The following ENOX2 variants were observed in gnomAD, a reference collection of about 807,000 sequenced individuals.
ENOX2 encodes ecto-NOX disulfide-thiol exchanger 2.
A neutral mutation model predicts 45.0 loss-of-function variants in ENOX2; 36 were observed. That is an observed-to-expected ratio of 0.80 (90% CI 0.61 to 1.06). The LOEUF (loss-of-function observed/expected upper bound fraction) is 1.06. Ranked by LOEUF, ENOX2 falls within the 50% of genes least tolerant of loss-of-function variation. The pLI, the probability that ENOX2 is intolerant of heterozygous loss-of-function variation, is 0.00. For synonymous variants in ENOX2, 174 were observed against 152.3 expected (o/e 1.14, Z -1.05); for missense variants, 423 against 462.5 (o/e 0.91, Z 0.78).
chrX:130,896,364 A>C (rs952991409), intron 2 of ENOX2, among the ~76,000 whole-genome samples: 25 of 110,986 alleles, frequency 2.3e-4, no homozygotes, highest in African/African-American at 8.2e-4. Flanking sequence ...GAAAAAAAAA[A>C]CAAAAAAACA....
intron 2 of ENOX2, among the ~76,000 whole-genome samples, chrX:130,866,644 G>T: frequency 9.0e-6 from 1 of 111,473 alleles, no homozygotes; most frequent in Non-Finnish European, 1.9e-5. Flanking sequence ...AAAATCCTAT[G>T]TATGCTCAAG....
intron 3 of ENOX2, among the ~76,000 whole-genome samples, chrX:130,763,604 C>T (rs1330098478): frequency 9.0e-6 from 1 of 110,943 alleles, no homozygotes; most frequent in Non-Finnish European, 1.9e-5. Context: ...CATGGCAGCT[C>T]ACACCTGTAA....
intron 2 of ENOX2, among the ~76,000 whole-genome samples, chrX:130,880,837 C>T (rs1164018027): frequency 1.8e-5 from 2 of 112,223 alleles, no homozygotes; most frequent in Non-Finnish European, 3.8e-5. Context: ...GAGTGCAGCT[C>T]GCATTTAAAT....
intron 3 of ENOX2, among the ~76,000 whole-genome samples, chrX:130,729,327 T>C (rs1251919341): frequency 8.9e-6 from 1 of 112,272 alleles, no homozygotes; most frequent in Non-Finnish European, 1.9e-5. Flanking sequence ...GTTTGGGGTT[T>C]AGAGTTTGCA....
chrX:130,773,446 G>A (rs185899396), intron 3 of ENOX2, among the ~76,000 whole-genome samples: 63 of 112,324 alleles, frequency 5.6e-4, no homozygotes, highest in African/African-American at 1.9e-3. Flanking sequence ...TAAAGAAGTG[G>A]GGAATGGTGT....
intron 2 of ENOX2, among the ~76,000 whole-genome samples, chrX:130,801,812 T>C (rs2077221841): frequency 8.9e-6 from 1 of 111,792 alleles, no homozygotes; most frequent in African/African-American, 3.3e-5. Context: ...TCATTGTTCA[T>C]TCATTACACA....
intron 3 of ENOX2, among the ~76,000 whole-genome samples, chrX:130,714,714 T>C (rs1351072139): frequency 8.9e-6 from 1 of 111,838 alleles, no homozygotes; most frequent in East Asian, 2.8e-4. Flanking sequence ...GAAAACTACA[T>C]GTTTTCCTGT....
At chrX:130,637,498 G>T in intron 10 of ENOX2, 88 bp from the exon 11 acceptor site, 2 of 785,227 alleles carry the variant, frequency 2.5e-6, no homozygotes, top group African/African-American at 2.1e-5. Context: ...TCTTCCTCTT[G>T]ATGAAGAACT....
intron 2 of ENOX2, among the ~76,000 whole-genome samples, chrX:130,845,987 T>C (rs1228310662): frequency 8.9e-6 from 1 of 112,035 alleles, no homozygotes; most frequent in African/African-American, 3.2e-5. Flanking sequence ...ACACATATAT[T>C]TGTAGGGCTC....
At chrX:130,900,639 T>C (rs775499354) in intron 2 of ENOX2, among the ~76,000 whole-genome samples, 2 of 112,249 alleles carry the variant, frequency 1.8e-5, no homozygotes, top group South Asian at 7.4e-4. Flanking sequence ...GACTCCTCTA[T>C]CTGAAATGCC....
chrX:130,709,380 G>T, intron 3 of ENOX2: 2 of 852,097 alleles, frequency 2.3e-6, no homozygotes, highest in African/African-American at 2.0e-5. Context: ...GCTCATGCTT[G>T]TAAATCCCAG....
At chrX:130,674,909 A>T (rs1474358812) in intron 6 of ENOX2, among the ~76,000 whole-genome samples, 30 of 95,668 alleles carry the variant, frequency 3.1e-4, no homozygotes, top group Non-Finnish European at 3.3e-4. Context: ...GAGAATGATG[A>T]TTTCCAATTT....
At chrX:130,626,791 C>T (rs2035556914) in intron 14 of ENOX2, among the ~76,000 whole-genome samples, 1 of 111,851 alleles carries the variant, frequency 8.9e-6, no homozygotes. Flanking sequence ...CCAAGTGGGC[C>T]ACTGTCTTTG....
At chrX:130,853,481 A>G (rs1201482171) in intron 2 of ENOX2, among the ~76,000 whole-genome samples, 2 of 108,001 alleles carry the variant, frequency 1.9e-5, no homozygotes, top group Non-Finnish European at 3.8e-5. Flanking sequence ...AAAAAAAAAA[A>G]AAAAAGAAAG....
intron 2 of ENOX2, among the ~76,000 whole-genome samples, chrX:130,834,496 G>A (rs1332758400): frequency 6.3e-5 from 7 of 110,917 alleles, no homozygotes; most frequent in African/African-American, 2.3e-4. Flanking sequence ...GTTGAGAAAG[G>A]AGGATAGCTG....
chrX:130,810,302 C>T (rs955369007), intron 2 of ENOX2, among the ~76,000 whole-genome samples: 4 of 110,909 alleles, frequency 3.6e-5, no homozygotes, highest in African/African-American at 9.9e-5. Flanking sequence ...GACTCAATAT[C>T]CAGCCACGAC....
intron 8 of ENOX2, 110 bp from the exon 9 acceptor site, chrX:130,665,859 G>A (rs1035229676): frequency 5.9e-6 from 3 of 511,158 alleles, no homozygotes; most frequent in Non-Finnish European, 1.0e-5. Flanking sequence ...GTTGTATCTT[G>A]TTGTTATGAC....
At chrX:130,751,229 C>A (rs942257752) in intron 3 of ENOX2, among the ~76,000 whole-genome samples, 3 of 111,930 alleles carry the variant, frequency 2.7e-5, no homozygotes, top group African/African-American at 9.7e-5. Flanking sequence ...CCACCGGCAA[C>A]CACCAATCTA....
chrX:130,789,385 C>T (rs1337452304), intron 2 of ENOX2, among the ~76,000 whole-genome samples: 3 of 112,193 alleles, frequency 2.7e-5, no homozygotes, highest in Non-Finnish European at 3.8e-5. Context: ...CAATCTAACA[C>T]TTTTAATGAT....
Sources: allele counts gnomAD v4.1 joint callset (sites outside exome capture counted in the v4.1 genomes callset), GRCh38; gene constraint gnomAD v4.1.1; transcripts MANE v1.5; gene names NCBI Gene and HGNC (gene_info 2026-07-23, HGNC 2026-07-21).